Variants in IKBIP observed in about 807,000 individuals in gnomAD.
The protein encoded by IKBIP is IKBKB interacting protein, also known as inhibitor of nuclear factor kappa-B kinase-interacting protein.
In IKBIP, 28 loss-of-function variants were observed where a neutral mutation model predicts 31.0. That is an observed-to-expected ratio of 0.90 (90% CI 0.67 to 1.24). The LOEUF (loss-of-function observed/expected upper bound fraction) is 1.24, where lower values mean the gene tolerates loss of function less well. Ranked by LOEUF, IKBIP falls within the 50% of genes most tolerant of loss-of-function variation. The probability of loss-of-function intolerance (pLI) is 0.00; values close to 1 mark genes in which losing one functional copy is unlikely to be tolerated. For missense variants in IKBIP, 453 were observed against 441.9 expected (o/e 1.03, Z -0.23); for synonymous variants, 164 against 160.3 (o/e 1.02, Z -0.17).
rs12322444 is a variant in IKBIP, at chr12:98,626,698, C to A, written c.366G>T (p.Gln122His). 8,353 of 1,613,880 alleles carry A rather than the reference C, an allele frequency of 5.2e-3. 297 individuals carry two copies. In the African/African-American group the frequency reaches 0.086, roughly 17 times the overall value. Residue 122 changes from glutamine to histidine, a missense_variant, in exon 3 of 3, where the codon CAG becomes CAT. Gln to His is a conservative substitution (Grantham distance 24). Transcript: ENST00000299157. Reference sequence around the variant, plus strand: ...TGATATCTTGGAGGTTGGATACTTCCTGCTCAAACTGGGTCATCAAAGACA... The same window carrying A: ...TGATATCTTGGAGGTTGGATACTTCATGCTCAAACTGGGTCATCAAAGACA... ...SSMSLMTQFE[Q>H]EVSNLQDIMH...
At chr12:98,615,339 T>G (rs190397556) in intron 2 of IKBIP, among the ~76,000 whole-genome samples, 40 of 152,200 alleles carry the variant, frequency 2.6e-4, no homozygotes, top group African/African-American at 9.2e-4. Flanking sequence ...TTCAAGTGAT[T>G]CTCCTGCCTC....
chr12:98,624,376 G>A lies in IKBIP; in HGVS notation c.*1554C>T, dbSNP rs2097612364. 3.0e-6 allele frequency: 3 copies of A among 985,060 alleles called. No homozygotes were observed. Among genetic ancestry groups the A allele is most frequent in the African/African-American group, 3.5e-5 (2 of 57,214 alleles). 61.0% of individuals were successfully genotyped at this position (985,060 alleles called of 1,614,324 possible). A position where few individuals can be genotyped will look rare whatever the true frequency, so the allele number is the denominator to read the frequency against. On this transcript the variant is annotated 3_prime_UTR_variant, in exon 3 of 3. Coordinates refer to ENST00000299157, the MANE Select transcript of IKBIP (RefSeq NM_153687.4). The stretch of plus-strand genomic sequence containing the variant: ...TTAAGACTGCAAAAATTAATGCTAT[G>A]CCCCTTAATAACAGAACTCTCCAGG...
intron 1 of IKBIP, 123 bp from the exon 2 acceptor site, chr12:98,634,536 T>A: frequency 4.2e-6 from 1 of 237,390 alleles, no homozygotes; most frequent in East Asian, 8.3e-5. Flanking sequence ...AGCTGTAGGT[T>A]TTTTTTTTTT....
At chr12:98,631,027 G>A (rs2097619688) in intron 2 of IKBIP, among the ~76,000 whole-genome samples, 1 of 151,618 alleles carries the variant, frequency 6.6e-6, no homozygotes, top group Admixed American at 6.6e-5. Flanking sequence ...CCACCTCCCA[G>A]GTTCAAGTAA....
chr12:98,644,782 G>C lies in IKBIP; in HGVS notation c.-81C>G. 1 of 1,497,786 alleles carries C rather than the reference G, an allele frequency of 6.7e-7. No individual in the cohort carries two copies. Among genetic ancestry groups the C allele is most frequent in the Non-Finnish European group, 9.0e-7 (1 of 1,105,624 alleles). 92.8% of individuals were successfully genotyped at this position (1,497,786 alleles called of 1,614,324 possible). On this transcript the variant is annotated 5_prime_UTR_variant, in exon 1 of 3. Coordinates refer to ENST00000299157, the MANE Select transcript of IKBIP (RefSeq NM_153687.4). Reference sequence around the variant, plus strand: ...GACGTGGCCGCCTTGGCGTTCGTGGGAACCCTGGGCGGTGACCGCGCCCCC... The same window carrying C: ...GACGTGGCCGCCTTGGCGTTCGTGGCAACCCTGGGCGGTGACCGCGCCCCC...
intron 1 of IKBIP, among the ~76,000 whole-genome samples, chr12:98,636,092 A>G (rs1007597079): frequency 6.6e-6 from 1 of 152,266 alleles, no homozygotes; most frequent in Non-Finnish European, 1.5e-5. Context: ...CTTTAGGCTC[A>G]GAAAAAAACA....
chr12:98,638,174 T>C (rs2097627518), intron 1 of IKBIP, among the ~76,000 whole-genome samples: 1 of 152,190 alleles, frequency 6.6e-6, no homozygotes, highest in Admixed American at 6.5e-5. Context: ...ATCATACTGA[T>C]TAGGTGGGTG....
Position 98,613,997 on chromosome 12 carries a change from AT to A in IKBIP, c.640del (p.Ile214Ter). 1 of 1,610,510 alleles carries A rather than the reference AT, an allele frequency of 6.2e-7. No individual in the cohort carries two copies. ...AATACTGCTTGAAAGAAGATCACCT[AT>A]ATTTTTTACTGTATTTTTTTCTACT... On this transcript the variant is annotated frameshift_variant, in exon 3 of 3. Transcript: ENST00000342502. LOFTEE classifies it high-confidence loss of function.
Position 98,625,407 on chromosome 12 carries a change from A to C in IKBIP, c.*523T>G. On this transcript the variant is annotated 3_prime_UTR_variant, in exon 3 of 3. Coordinates refer to ENST00000299157, the MANE Select transcript of IKBIP (RefSeq NM_153687.4). ...GCATGTTATCTTTTATTTTACACAAAATTCCCATGAACTTGGTTGTGTGGA... is the reference window on the plus strand; with the variant it reads ...GCATGTTATCTTTTATTTTACACAACATTCCCATGAACTTGGTTGTGTGGA... 1 of 610,366 alleles carries C rather than the reference A, an allele frequency of 1.6e-6. No individual in the cohort carries two copies. The highest frequency in any genetic ancestry group is 2.1e-6 in the Non-Finnish European group (1 of 487,726). The allele number at this position is 610,366 out of a possible 1,614,324, so 37.8% of individuals were successfully genotyped here.
Position 98,634,236 on chromosome 12 carries a change from G to T in IKBIP, c.297+60C>A, listed in dbSNP as rs539051489. ...GAAAGAAGTTCTGAGCTGGGATAGA[G>T]AAATGATAGTGGGGTAGTAAAATGG... On this transcript the variant is annotated intron_variant, in intron 2 of 2. Transcript: ENST00000299157. 33 of 806,266 alleles carry T rather than the reference G, an allele frequency of 4.1e-5. No individual in the cohort carries two copies. The South Asian group carries it at 4.7e-4, about 12-fold the overall frequency. 49.9% of individuals were successfully genotyped at this position (806,266 alleles called of 1,614,324 possible).
chr12:98,636,891 C>T (rs561382169), intron 1 of IKBIP, among the ~76,000 whole-genome samples: 4 of 151,118 alleles, frequency 2.6e-5, no homozygotes, highest in East Asian at 1.9e-4. Context: ...GCCCTCCTCA[C>T]GCCTTCCTGT....
chr12:98,638,827 A>G (rs1251779914), intron 1 of IKBIP, among the ~76,000 whole-genome samples: 1 of 151,904 alleles, frequency 6.6e-6, no homozygotes, highest in Non-Finnish European at 1.5e-5. Flanking sequence ...CTGAAGAGGA[A>G]GAGGTCTACA....
downstream of IKBIP, among the ~76,000 whole-genome samples, chr12:98,619,756 A>C (rs1795024808): frequency 6.6e-6 from 1 of 151,594 alleles, no homozygotes; most frequent in Non-Finnish European, 1.5e-5. Flanking sequence ...TACAAAAATT[A>C]CAAAAATAGC....
In IKBIP at chr12:98,644,722, C is replaced by T. The variant is rs753672795; in HGVS notation, c.-21G>A. The T allele has an allele frequency of 6.3e-7, 1 of 1,595,780 alleles. No individual in the cohort carries two copies. Among genetic ancestry groups the T allele is most frequent in the African/African-American group, 1.4e-5 (1 of 73,056 alleles). On this transcript the variant is annotated 5_prime_UTR_variant, in exon 1 of 3. Coordinates refer to ENST00000299157, the MANE Select transcript of IKBIP (RefSeq NM_153687.4). Reference sequence around the variant, plus strand: ...GACATGTCTGGAGACCCTAGGACGACAAGCCCAGGGCAGCTTCTTCACCAG... The same window carrying T: ...GACATGTCTGGAGACCCTAGGACGATAAGCCCAGGGCAGCTTCTTCACCAG...
intron 1 of IKBIP, 127 bp from the exon 2 acceptor site, chr12:98,634,540 T>G (rs1427037765): frequency 3.6e-6 from 2 of 562,086 alleles, no homozygotes; most frequent in Non-Finnish European, 6.3e-6. Flanking sequence ...GTAGGTTTTT[T>G]TTTTTTTTTT....
intron 1 of IKBIP, among the ~76,000 whole-genome samples, chr12:98,644,270 T>C (rs2097635341): frequency 6.6e-6 from 1 of 152,294 alleles, no homozygotes; most frequent in Non-Finnish European, 1.5e-5. Context: ...AAATGGCTCG[T>C]TCCCAAACCT....
At chr12:98,640,294 C>T (rs757512648) in intron 1 of IKBIP, among the ~76,000 whole-genome samples, 8 of 151,990 alleles carry the variant, frequency 5.3e-5, no homozygotes, top group Non-Finnish European at 7.4e-5. Context: ...ATTAGCTGGG[C>T]GTGGTGGCGC....
At chr12:98,627,208 A>G (rs1188775025) in intron 2 of IKBIP, among the ~76,000 whole-genome samples, 1 of 151,368 alleles carries the variant, frequency 6.6e-6, no homozygotes, top group Non-Finnish European at 1.5e-5. Context: ...ACCTTTAGTG[A>G]TCCGTCTGCC....
chr12:98,637,978 T>C (rs1434624670), intron 1 of IKBIP, among the ~76,000 whole-genome samples: 1 of 152,208 alleles, frequency 6.6e-6, no homozygotes, highest in South Asian at 2.1e-4. Flanking sequence ...CAGGGGCATA[T>C]TCTAGTGAGA....
Sources: allele counts gnomAD v4.1 joint callset (sites outside exome capture counted in the v4.1 genomes callset), GRCh38; gene constraint gnomAD v4.1.1; transcripts MANE v1.5; gene names NCBI Gene and HGNC (gene_info 2026-07-23, HGNC 2026-07-21).